The following KCND2 variants were observed in gnomAD, a reference collection of about 807,000 sequenced individuals.
The protein encoded by KCND2 is A-type voltage-gated potassium channel KCND2.
KCND2 carries 16 observed loss-of-function variants against 54.4 expected under a neutral mutation model. That is an observed-to-expected ratio of 0.29 (90% CI 0.20 to 0.45). The LOEUF is 0.45. Ranked by LOEUF, KCND2 falls within the 20% of genes least tolerant of loss-of-function variation. The probability of loss-of-function intolerance (pLI) is 1.00; values close to 1 mark genes in which losing one functional copy is unlikely to be tolerated. For synonymous variants in KCND2, 317 were observed against 310.7 expected, an observed-to-expected ratio of 1.02 and a Z score of -0.21; for missense variants, 486 against 824.2, an observed-to-expected ratio of 0.59 and a Z score of 5.02.
intron 1 of KCND2, among the ~76,000 whole-genome samples, chr7:120,354,351 T>G (rs1031566393): frequency 3.9e-5 from 6 of 152,202 alleles, no homozygotes; most frequent in Non-Finnish European, 8.8e-5. Context: ...TGTCAACATT[T>G]CAAAAATTAG....
At chr7:120,382,611 C>T (rs1484781787) in intron 1 of KCND2, among the ~76,000 whole-genome samples, 1 of 151,764 alleles carries the variant, frequency 6.6e-6, no homozygotes, top group Non-Finnish European at 1.5e-5. Flanking sequence ...TAATGATCAA[C>T]ATTAACAAAA....
intron 1 of KCND2, among the ~76,000 whole-genome samples, chr7:120,590,817 T>C (rs959836990): frequency 1.4e-4 from 21 of 152,210 alleles, no homozygotes; most frequent in Non-Finnish European, 2.5e-4. Flanking sequence ...GGATTTCTTA[T>C]CTAGTTTCAG....
intron 1 of KCND2, among the ~76,000 whole-genome samples, chr7:120,284,293 A>ACG (rs562509991): frequency 6.6e-6 from 1 of 151,942 alleles, no homozygotes; most frequent in Non-Finnish European, 1.5e-5. Context: ...ACACATGCAC[A>ACG]CGCACACACA....
At chr7:120,488,748 A>AT (rs933493062) in intron 1 of KCND2, among the ~76,000 whole-genome samples, 18 of 150,840 alleles carry the variant, frequency 1.2e-4, no homozygotes, top group Admixed American at 3.3e-4. Context: ...TTTTTGGTTC[A>AT]TTTTTTTTTA....
chr7:120,541,479 A>G (rs1228013363), intron 1 of KCND2, among the ~76,000 whole-genome samples: 2 of 152,106 alleles, frequency 1.3e-5, no homozygotes, highest in Non-Finnish European at 1.5e-5. Context: ...ACCCACACTA[A>G]AAGTAGCTGC....
intron 1 of KCND2, among the ~76,000 whole-genome samples, chr7:120,456,801 G>T (rs1160382406): frequency 6.6e-6 from 1 of 152,158 alleles, no homozygotes; most frequent in East Asian, 1.9e-4. Context: ...GCTCCACTAG[G>T]CAGTGCCCCA....
chr7:120,496,292 C>T (rs73437811), intron 1 of KCND2, among the ~76,000 whole-genome samples: 1,691 of 152,118 alleles, frequency 0.011, 37 homozygotes, highest in African/African-American at 0.038. Context: ...TTTGTGTCTT[C>T]CTTGGTTCTG....
chr7:120,604,322 C>G (rs1362105138), intron 1 of KCND2, among the ~76,000 whole-genome samples: 2 of 131,198 alleles, frequency 1.5e-5, no homozygotes, highest in Non-Finnish European at 3.2e-5. Flanking sequence ...GCCAACATGG[C>G]AAAACCCCGT....
intron 1 of KCND2, among the ~76,000 whole-genome samples, chr7:120,483,954 A>G (rs1431271292): frequency 6.6e-6 from 1 of 152,168 alleles, no homozygotes; most frequent in African/African-American, 2.4e-5. Context: ...TAAAATTAGT[A>G]TTAGCCTGTA....
intron 1 of KCND2, among the ~76,000 whole-genome samples, chr7:120,722,369 T>A (rs145270648): frequency 6.6e-6 from 1 of 152,212 alleles, no homozygotes; most frequent in Non-Finnish European, 1.5e-5. Context: ...ACAGGAGTAA[T>A]ATGGGCATGG....
intron 1 of KCND2, among the ~76,000 whole-genome samples, chr7:120,433,557 C>T (rs1398642608): frequency 6.6e-6 from 1 of 152,204 alleles, no homozygotes. Flanking sequence ...CTGTCTTGAA[C>T]TTAGACTGTT....
intron 1 of KCND2, among the ~76,000 whole-genome samples, chr7:120,614,677 T>C (rs1792999272): frequency 6.6e-6 from 1 of 152,238 alleles, no homozygotes. Flanking sequence ...CCAAGAGATA[T>C]TAAGCATCAC....
intron 1 of KCND2, among the ~76,000 whole-genome samples, chr7:120,640,956 A>T (rs1298262630): frequency 6.6e-6 from 1 of 152,146 alleles, no homozygotes; most frequent in Non-Finnish European, 1.5e-5. Context: ...CTTGCTCTGT[A>T]AGATACTGTC....
chr7:120,296,643 T>C (rs1194995696), intron 1 of KCND2, among the ~76,000 whole-genome samples: 1 of 152,088 alleles, frequency 6.6e-6, no homozygotes, highest in Non-Finnish European at 1.5e-5. Flanking sequence ...TGGTACTCAT[T>C]ACAGCAATTG....
intron 1 of KCND2, among the ~76,000 whole-genome samples, chr7:120,383,563 A>G (rs887533534): frequency 2.6e-5 from 4 of 152,096 alleles, no homozygotes; most frequent in Non-Finnish European, 5.9e-5. Context: ...ACTTGTTGAC[A>G]TATGATTACA....
At chr7:120,470,490 C>T (rs1156932376) in intron 1 of KCND2, among the ~76,000 whole-genome samples, 9 of 152,026 alleles carry the variant, frequency 5.9e-5, no homozygotes, top group Non-Finnish European at 1.2e-4. Context: ...AGATCTAGTG[C>T]CATTATATCA....
At chr7:120,488,807 T>A (rs904505810) in intron 1 of KCND2, among the ~76,000 whole-genome samples, 1 of 152,092 alleles carries the variant, frequency 6.6e-6, no homozygotes, top group Non-Finnish European at 1.5e-5. Context: ...GAAAGTAATA[T>A]ACATGGAAAA....
chr7:120,575,989 T>C lies in KCND2; in HGVS notation c.1116-156914T>C, dbSNP rs536475931. Among the ~76,000 whole-genome samples the C allele has an allele frequency of 5.9e-5, 9 of 152,394 alleles. No individual in the cohort carries two copies. In the East Asian group the frequency reaches 1.5e-3, roughly 26 times the overall value. On this transcript the variant is annotated intron_variant, in intron 1 of 5. Coordinates refer to ENST00000331113, the MANE Select transcript of KCND2 (RefSeq NM_012281.3). ...CTGTGTTACAAAACTAAGCTCATGA[T>C]GTAGACAAAGTTGTATATCCTGATT...
intron 1 of KCND2, among the ~76,000 whole-genome samples, chr7:120,397,993 GTGTATATATATATATATA>G (rs1327278462): frequency 0.011 from 429 of 39,980 alleles, 6 homozygotes; most frequent in East Asian, 0.062. Context: ...GTGTGTGTGT[GTGTATATATATATATATA>G]TATATATATA....
Sources: gnomAD v4.1 joint callset for allele counts (sites outside exome capture counted in the v4.1 genomes callset) on GRCh38, gnomAD v4.1.1 for gene constraint, MANE v1.5 for transcripts, NCBI Gene and HGNC (gene_info 2026-07-23, HGNC 2026-07-21) for gene names.